The following HACL1 variants were observed in gnomAD, a reference collection of about 807,000 sequenced individuals.
HACL1 encodes the protein 1600020H07Rik.
A neutral mutation model predicts 74.2 loss-of-function variants in HACL1; 64 were observed. That is an observed-to-expected ratio of 0.86 (90% CI 0.70 to 1.06). The LOEUF is 1.06. Among genes scored for constraint, HACL1 ranks in the 50% least tolerant of loss-of-function variants. HACL1 has a pLI of 0.00. For missense variants in HACL1, 728 were observed against 719.7 expected (o/e 1.01, Z -0.13); for synonymous variants, 230 against 238.8 (o/e 0.96, Z 0.34).
chr3:15,580,630 G>A (rs531061323), intron 8 of HACL1, among the ~76,000 whole-genome samples: 1 of 152,218 alleles, frequency 6.6e-6, no homozygotes, highest in East Asian at 1.9e-4. Context: ...CTATGCTATG[G>A]TCCTACTAAA....
chr3:15,595,221 T>G (rs1023273857), intron 3 of HACL1, among the ~76,000 whole-genome samples: 1 of 152,216 alleles, frequency 6.6e-6, no homozygotes, highest in African/African-American at 2.4e-5. Flanking sequence ...ATAATTTAAA[T>G]GCTTTCCAAG....
rs1325131113 is a variant in HACL1, at chr3:15,565,062, G to A, written c.1410-404C>T. 2.6e-5 allele frequency among the ~76,000 whole-genome samples: 4 copies of A among 152,246 alleles called. No individual in the cohort carries two copies. In the South Asian group the frequency reaches 6.2e-4, roughly 24 times the overall value. On this transcript the variant is annotated intron_variant, in intron 14 of 16. Transcript: ENST00000321169. The stretch of plus-strand genomic sequence containing the variant: ...TGCCTGTAGTCCCAGCTACTCGGGA[G>A]GCTGAGGCAGAAGAATCGCTTGAAC...
chr3:15,580,096 T>G, intron 8 of HACL1, 51 bp from the exon 9 acceptor site: 1 of 1,480,290 alleles, frequency 6.8e-7, no homozygotes, highest in Non-Finnish European at 9.2e-7. Flanking sequence ...ATAGGCACTG[T>G]GACCCTTAAA....
chr3:15,592,066 G>GTA (rs1241126758), intron 3 of HACL1, among the ~76,000 whole-genome samples: 796 of 14,404 alleles, frequency 0.055, 18 homozygotes, highest in Middle Eastern at 0.1. Flanking sequence ...GTATATATAC[G>GTA]TATATACGTA....
intron 5 of HACL1, among the ~76,000 whole-genome samples, 176 bp downstream of exon 5, chr3:15,589,364 G>T (rs980370605): frequency 1.3e-5 from 2 of 152,090 alleles, no homozygotes; most frequent in African/African-American, 4.8e-5. Flanking sequence ...AGGCATGGTG[G>T]TGTGAACCTG....
intron 3 of HACL1, among the ~76,000 whole-genome samples, chr3:15,592,271 CGTATACATACGTGTATAT>C (rs1240900251): frequency 1.5e-5 from 2 of 135,298 alleles, no homozygotes; most frequent in Admixed American, 8.7e-5. Context: ...TCCATATATA[CGTATACATACGTGTATAT>C]GTATACATAC....
intron 9 of HACL1, among the ~76,000 whole-genome samples, chr3:15,578,461 G>A (rs2063663802): frequency 6.6e-6 from 1 of 152,216 alleles, no homozygotes; most frequent in Non-Finnish European, 1.5e-5. Context: ...CAGAGGGTAA[G>A]TTTCCAAGGT....
chr3:15,586,789 C>T (rs1011816569), intron 5 of HACL1, among the ~76,000 whole-genome samples, 187 bp from the exon 6 acceptor site: 1 of 152,062 alleles, frequency 6.6e-6, no homozygotes, highest in African/African-American at 2.4e-5. Context: ...ATTCAGGAAG[C>T]GTATCATACC....
chr3:15,567,069 C>T (rs1326433738), intron 14 of HACL1, among the ~76,000 whole-genome samples: 1 of 151,950 alleles, frequency 6.6e-6, no homozygotes, highest in African/African-American at 2.4e-5. Flanking sequence ...ATCTGCCCAC[C>T]TCAGCCACCC....
rs1478168382 is a variant in HACL1 at position 15,601,127 on chromosome 3, AG to A, written c.148del (p.Leu50Ter). 1 of 1,613,530 alleles carries A rather than the reference AG, an allele frequency of 6.2e-7. No homozygotes were observed. The highest frequency in any genetic ancestry group is 8.5e-7 in the Non-Finnish European group (1 of 1,179,408). On this transcript the variant is annotated frameshift_variant, in exon 2 of 17. Coordinates refer to ENST00000321169, the MANE Select transcript of HACL1 (RefSeq NM_012260.4). LOFTEE classifies it high-confidence loss of function. ...CCTCATCCCGATGTACTTGATGCCT[AG>A]CTGCTGGGCAGCAATGGCGATTTCG... is the stretch of plus-strand genomic sequence containing the variant. ...VTEIAIAAQQ[L>X]GIKYIGMRNE...
chr3:15,582,240 CA>C (rs1183089754), intron 8 of HACL1, among the ~76,000 whole-genome samples: 1 of 152,124 alleles, frequency 6.6e-6, no homozygotes, highest in African/African-American at 2.4e-5. Context: ...CCAGAGAAAG[CA>C]ATATGACAAT....
chr3:15,582,072 A>G (rs2063723599), intron 8 of HACL1, among the ~76,000 whole-genome samples: 1 of 152,206 alleles, frequency 6.6e-6, no homozygotes, highest in Non-Finnish European at 1.5e-5. Context: ...TTTGTCATAC[A>G]CTATCAAACT....
Position 15,601,419 on chromosome 3 carries a change from A to G in HACL1, c.45T>C (p.Ser15=), listed in dbSNP as rs370356247. The part of the protein sequence containing the change: ...NFAERSEEQV[S]GAKVIAQALK... ...GGGCCTGAGCGATGACTTTAGCACCAGACACCTGCTCCTCGCTGCGCTCTG... is the reference window on the plus strand; with the variant it reads ...GGGCCTGAGCGATGACTTTAGCACCGGACACCTGCTCCTCGCTGCGCTCTG... The change falls in exon 1 of 17, where the codon TCT becomes TCC. Residue 15 remains serine, a synonymous_variant. Coordinates refer to ENST00000321169, the MANE Select transcript of HACL1 (RefSeq NM_012260.4). 1.5e-5 allele frequency: 24 copies of G among 1,614,068 alleles called. No individual in the cohort carries two copies. The highest frequency in any genetic ancestry group is 1.9e-5 in the Non-Finnish European group (23 of 1,180,048).
chr3:15,560,915 C>CA lies in HACL1; in HGVS notation c.1705-19dup. On this transcript the variant is annotated intron_variant, in intron 16 of 16. Transcript: ENST00000321169. ...TGAAAATCCTAGAAAAAGAAGACAA[C>CA]AAACATTCAGTCAAAAGAAATGATT... The CA allele has an allele frequency of 1.3e-6, 2 of 1,581,614 alleles. No individual in the cohort carries two copies. The highest frequency in any genetic ancestry group is 1.7e-6 in the Non-Finnish European group (2 of 1,151,440).
At chr3:15,592,063 TACGTATATACGTATAC>T (rs2063915563) in intron 3 of HACL1, among the ~76,000 whole-genome samples, 1 of 15,752 alleles carries the variant, frequency 6.3e-5, no homozygotes, top group African/African-American at 2.1e-4. Flanking sequence ...TACGTATATA[TACGTATATACGTATAC>T]GTATATATAC....
At chr3:15,584,864 G>C (rs79399215) in intron 7 of HACL1, among the ~76,000 whole-genome samples, 3,883 of 152,228 alleles carry the variant, frequency 0.026, 137 homozygotes, top group African/African-American at 0.078. Context: ...TAACCACAGA[G>C]AGAGACAGCT....
rs1419104054 is a variant in HACL1, at chr3:15,576,881, A to G, written c.804-1799T>C. 3.9e-5 allele frequency among the ~76,000 whole-genome samples: 6 copies of G among 152,216 alleles called. No individual in the cohort carries two copies. The East Asian group carries it at 7.7e-4, about 19-fold the overall frequency. ...TCATCTTTAATATTGTATTAGTCCT[A>G]TGAGACCCAATTTAACAAACAGATA... On this transcript the variant is annotated intron_variant, in intron 9 of 16. Coordinates refer to ENST00000321169, the MANE Select transcript of HACL1 (RefSeq NM_012260.4).
At chr3:15,573,937 T>A (rs1458890250) in intron 10 of HACL1, among the ~76,000 whole-genome samples, 1 of 152,240 alleles carries the variant, frequency 6.6e-6, no homozygotes, top group Non-Finnish European at 1.5e-5. Flanking sequence ...GGTATTGGCA[T>A]CTTCCAGGTA....
At chr3:15,570,271 G>A (rs943954876) in intron 12 of HACL1, among the ~76,000 whole-genome samples, 2 of 151,404 alleles carry the variant, frequency 1.3e-5, no homozygotes, top group Non-Finnish European at 2.9e-5. Flanking sequence ...CGAGGCAGAG[G>A]TTGCAGTGAG....
Sources: allele counts gnomAD v4.1 joint callset (sites outside exome capture counted in the v4.1 genomes callset), GRCh38; gene constraint gnomAD v4.1.1; transcripts MANE v1.5; gene names NCBI Gene and HGNC (gene_info 2026-07-23, HGNC 2026-07-21).